The following ZNF627 variants were observed in gnomAD, a reference collection of about 807,000 sequenced individuals.
ZNF627 encodes the protein zinc finger protein 627.
ZNF627 carries 12 observed loss-of-function variants against 10.6 expected under a neutral mutation model. The ratio of observed to expected loss-of-function variants is 1.13; its 90% CI spans 0.73 to 1.84. ZNF627 has a LOEUF of 1.84. Ranked by LOEUF, ZNF627 falls within the 40% of genes most tolerant of loss-of-function variation. The probability of loss-of-function intolerance (pLI) is 0.00; values close to 1 mark genes in which losing one functional copy is unlikely to be tolerated. For missense variants in ZNF627, 504 were observed against 568.4 expected (o/e 0.89, Z 1.15); for synonymous variants, 176 against 187.1 (o/e 0.94, Z 0.48).
intron 1 of ZNF627, among the ~76,000 whole-genome samples, chr19:11,614,070 C>T (rs1973824828): frequency 6.6e-6 from 1 of 151,890 alleles, no homozygotes; most frequent in Non-Finnish European, 1.5e-5. Flanking sequence ...TATGGGCACC[C>T]ACCACCGTGC....
intron 1 of ZNF627, 78 bp downstream of exon 1, chr19:11,597,708 C>T: frequency 7.7e-7 from 1 of 1,292,572 alleles, no homozygotes; most frequent in African/African-American, 1.5e-5. Flanking sequence ...TGTGGAGGGA[C>T]CTAGGCCTCC....
chr19:11,607,616 A>C (rs1973697253), intron 1 of ZNF627, among the ~76,000 whole-genome samples: 1 of 152,188 alleles, frequency 6.6e-6, no homozygotes, highest in Admixed American at 6.5e-5. Context: ...TCTTTGCTAA[A>C]ACATAACAAG....
In ZNF627 at chr19:11,609,469, TTTTATATA is replaced by T. The variant is rs1368071655; in HGVS notation, c.4-5056_4-5049del. Among the ~76,000 whole-genome samples, 49 of 115,860 alleles carry T rather than the reference TTTTATATA, an allele frequency of 4.2e-4. 1 individual carries two copies. The highest frequency in any genetic ancestry group is 3.2e-3 in the South Asian group (11 of 3,470). 76.0% of individuals were successfully genotyped at this position (115,860 alleles called of 152,430 possible). On this transcript the variant is annotated intron_variant, in intron 1 of 3. Transcript: ENST00000361113. ...ACTTCCTGGGTAGTCTTTTAAAAAA[TTTTATATA>T]TATATATATATATATATATATATAT...
chr19:11,612,118 CTTT>C (rs533449447), intron 1 of ZNF627, among the ~76,000 whole-genome samples: 2 of 91,724 alleles, frequency 2.2e-5, no homozygotes, highest in Non-Finnish European at 2.1e-5. Flanking sequence ...GGTCCAACTG[CTTT>C]TTTTTTTTTT....
At chr19:11,610,618 C>T (rs201035345) in intron 1 of ZNF627, among the ~76,000 whole-genome samples, 2 of 152,124 alleles carry the variant, frequency 1.3e-5, no homozygotes, top group East Asian at 3.9e-4. Flanking sequence ...AACAACAAAA[C>T]CTTGTGTAAC....
At chr19:11,600,169 G>A (rs554157516) in intron 1 of ZNF627, among the ~76,000 whole-genome samples, 2 of 152,198 alleles carry the variant, frequency 1.3e-5, no homozygotes, top group South Asian at 2.1e-4. Flanking sequence ...GGCTGGGCGC[G>A]ATGGCTCACG....
chr19:11,608,441 A>C (rs535912682), intron 1 of ZNF627, among the ~76,000 whole-genome samples: 1 of 152,282 alleles, frequency 6.6e-6, no homozygotes, highest in African/African-American at 2.4e-5. Context: ...CAGCTGTAAT[A>C]TTTTAGTTAT....
intron 1 of ZNF627, among the ~76,000 whole-genome samples, chr19:11,609,305 C>T (rs112372185): frequency 5.9e-5 from 9 of 151,938 alleles, no homozygotes; most frequent in African/African-American, 2.2e-4. Context: ...CCCATTCTCT[C>T]AAATTTATTT....
In ZNF627 at chr19:11,618,274, C is replaced by A; in HGVS notation, c.*385C>A. The A allele has an allele frequency of 5.8e-6, 1 of 172,338 alleles. No individual in the cohort carries two copies. The highest frequency in any genetic ancestry group is 1.2e-5 in the Non-Finnish European group (1 of 82,164). 10.7% of individuals were successfully genotyped at this position (172,338 alleles called of 1,614,324 possible). A position where few individuals can be genotyped will look rare whatever the true frequency, so the allele number is the denominator to read the frequency against. ...TACAGGCTGTATGGACACTTGCTTC[C>A]ATCCCATTTTCCTGCTTCTTTGGGT... On this transcript the variant is annotated 3_prime_UTR_variant, in exon 4 of 4. Coordinates refer to ENST00000361113, the MANE Select transcript of ZNF627 (RefSeq NM_145295.4).
intron 1 of ZNF627, among the ~76,000 whole-genome samples, chr19:11,604,558 T>C (rs1973641736): frequency 6.6e-6 from 1 of 152,114 alleles, no homozygotes; most frequent in Non-Finnish European, 1.5e-5. Flanking sequence ...CCTCCATGGA[T>C]TCAGACTTGG....
At chr19:11,614,280 C>T (rs577561073) in intron 1 of ZNF627, among the ~76,000 whole-genome samples, 2 of 152,246 alleles carry the variant, frequency 1.3e-5, no homozygotes, top group East Asian at 3.9e-4. Context: ...TTAGGGGTGG[C>T]CCAGGCAGTA....
chr19:11,601,464 C>G (rs1476735566), intron 1 of ZNF627, among the ~76,000 whole-genome samples: 2 of 152,052 alleles, frequency 1.3e-5, no homozygotes, highest in African/African-American at 4.8e-5. Flanking sequence ...ATCAGCCTCC[C>G]AAGTACCTAG....
chr19:11,611,436 C>T (rs1973770389), intron 1 of ZNF627, among the ~76,000 whole-genome samples: 1 of 152,236 alleles, frequency 6.6e-6, no homozygotes, highest in South Asian at 2.1e-4. Context: ...TCAAGGAATC[C>T]TCTTCCCCCA....
rs1353724489 is a variant in ZNF627 at position 11,616,935 on chromosome 19, TGGACGA to T, written c.434_439del (p.Gly145_Arg146del). 2 of 1,614,176 alleles carry T rather than the reference TGGACGA, an allele frequency of 1.2e-6. No individual in the cohort carries two copies. Among genetic ancestry groups the T allele is most frequent in the Non-Finnish European group, 1.7e-6 (2 of 1,180,032 alleles). On this transcript the variant is annotated inframe_deletion, in exon 4 of 4. Transcript: ENST00000361113. ...AGAAGTCATATACACGTAACCAGTGTGGACGAGCCTTGAGTTATCATCGCTCTTTTC... is the reference window on the plus strand; with the variant it reads ...AGAAGTCATATACACGTAACCAGTGTGCCTTGAGTTATCATCGCTCTTTTC...
rs1973910094 is a variant in ZNF627, at chr19:11,618,001, C to G, written c.*112C>G. ...AAAGGATTCACAGTGGAGAAAGACC[C>G]TGTAAGATAATTGGCTTTAAATTAC... On this transcript the variant is annotated 3_prime_UTR_variant, in exon 4 of 4. Coordinates refer to ENST00000361113, the MANE Select transcript of ZNF627 (RefSeq NM_145295.4). 2 of 909,122 alleles carry G rather than the reference C, an allele frequency of 2.2e-6. No individual in the cohort carries two copies. Among genetic ancestry groups the G allele is most frequent in the African/African-American group, 3.4e-5 (2 of 59,162 alleles). The allele number at this position is 909,122 out of a possible 1,614,324, so 56.3% of individuals were successfully genotyped here.
chr19:11,597,503 C>G lies in ZNF627; in HGVS notation c.-125C>G. 9.4e-7 allele frequency: 1 copy of G among 1,068,264 alleles called. No individual in the cohort carries two copies. The highest frequency in any genetic ancestry group is 1.2e-6 in the Non-Finnish European group (1 of 821,348). The allele number at this position is 1,068,264 out of a possible 1,614,324, so 66.2% of individuals were successfully genotyped here. A position where few individuals can be genotyped will look rare whatever the true frequency, so the allele number is the denominator to read the frequency against. ...CCTTTGTTTCTGGCGACCGTCCCCA[C>G]CCGGGCTCGCGTCTCCGTTTCTCCG... is the stretch of plus-strand genomic sequence containing the variant. On this transcript the variant is annotated 5_prime_UTR_variant, in exon 1 of 4. Transcript: ENST00000361113.
intron 3 of ZNF627, among the ~76,000 whole-genome samples, chr19:11,615,596 C>G (rs1599664290): frequency 6.8e-6 from 1 of 146,570 alleles, no homozygotes; most frequent in Non-Finnish European, 1.5e-5. Context: ...GAGTGAGACT[C>G]TGTCTCAAAA....
At chr19:11,608,879 T>G (rs1973718039) in intron 1 of ZNF627, among the ~76,000 whole-genome samples, 1 of 152,042 alleles carries the variant, frequency 6.6e-6, no homozygotes, top group Non-Finnish European at 1.5e-5. Flanking sequence ...TTATTATTAT[T>G]ATTATTTTTT....
At chr19:11,610,047 A>ATTTTTTTTTTTTTTTTTTTTTG (rs1973747176) in intron 1 of ZNF627, among the ~76,000 whole-genome samples, 1 of 114,844 alleles carries the variant, frequency 8.7e-6, no homozygotes. Context: ...TGGGATTTGA[A>ATTTTTTTTTTTTTTTTTTTTTG]TTTTTTTTTT....
Sources: gnomAD v4.1 joint callset for allele counts (sites outside exome capture counted in the v4.1 genomes callset) on GRCh38, gnomAD v4.1.1 for gene constraint, MANE v1.5 for transcripts, NCBI Gene and HGNC (gene_info 2026-07-23, HGNC 2026-07-21) for gene names.